The following ADAMTSL1 variants were observed in gnomAD, a reference collection of about 807,000 sequenced individuals.
ADAMTSL1 encodes the protein ADAMTS like 1.
ADAMTSL1 carries 126 observed loss-of-function variants against 201.8 expected under a neutral mutation model. The observed-to-expected ratio is 0.62, with a 90% CI of 0.54 to 0.72. ADAMTSL1 has a LOEUF of 0.72. Among genes scored for constraint, ADAMTSL1 ranks in the 30% least tolerant of loss-of-function variants. The pLI is 0.00. For missense variants in ADAMTSL1, 2,679 were observed against 2,277.8 expected (o/e 1.18, Z -3.59); for synonymous variants, 1,121 against 903.4 (o/e 1.24, Z -4.32).
chr9:18,856,096 G>A (rs546179889), intron 23 of ADAMTSL1, among the ~76,000 whole-genome samples: 9 of 152,158 alleles, frequency 5.9e-5, no homozygotes, highest in African/African-American at 9.6e-5. Context: ...ATGATAGTTC[G>A]TAAAACAAAT....
chr9:18,020,427 C>T (rs555233380), intron 1 of ADAMTSL1, among the ~76,000 whole-genome samples: 2 of 152,218 alleles, frequency 1.3e-5, no homozygotes, highest in Admixed American at 6.6e-5. Context: ...AAGCCAGCTA[C>T]GGTGGGGGAA....
At chr9:18,608,692 C>T (rs1409305444) in intron 4 of ADAMTSL1, among the ~76,000 whole-genome samples, 1 of 152,116 alleles carries the variant, frequency 6.6e-6, no homozygotes. Context: ...AACTCAGTCC[C>T]ATCACTATAT....
At chr9:18,368,554 T>A (rs988660859) in intron 2 of ADAMTSL1, among the ~76,000 whole-genome samples, 7 of 152,246 alleles carry the variant, frequency 4.6e-5, no homozygotes, top group Non-Finnish European at 7.3e-5. Context: ...ATTTGCCCAG[T>A]GTCTCACAAC....
chr9:18,406,779 A>T (rs2133292363), intron 2 of ADAMTSL1, among the ~76,000 whole-genome samples: 1 of 152,314 alleles, frequency 6.6e-6, no homozygotes, highest in African/African-American at 2.4e-5. Flanking sequence ...TTACTCCAAT[A>T]TGCACTGGAA....
chr9:18,601,843 G>A (rs1824680460), intron 4 of ADAMTSL1, among the ~76,000 whole-genome samples: 1 of 151,664 alleles, frequency 6.6e-6, no homozygotes, highest in South Asian at 2.1e-4. Flanking sequence ...TATATATAGT[G>A]TATATTGAAG....
intron 2 of ADAMTSL1, among the ~76,000 whole-genome samples, chr9:18,331,320 G>T (rs1359076040): frequency 6.6e-6 from 1 of 152,174 alleles, no homozygotes; most frequent in African/African-American, 2.4e-5. Context: ...GCCATAAAAA[G>T]TCTTTGTTTA....
At chr9:18,371,837 T>C (rs968681931) in intron 2 of ADAMTSL1, among the ~76,000 whole-genome samples, 2 of 152,168 alleles carry the variant, frequency 1.3e-5, no homozygotes, top group Non-Finnish European at 2.9e-5. Context: ...GAAGGGTAGA[T>C]ATGTTACATA....
At chr9:18,724,222 C>G (rs2133441474) in intron 15 of ADAMTSL1, among the ~76,000 whole-genome samples, 1 of 152,294 alleles carries the variant, frequency 6.6e-6, no homozygotes, top group Middle Eastern at 3.4e-3. Flanking sequence ...ATAGCTTTCC[C>G]AGGCAGTTGT....
intron 23 of ADAMTSL1, among the ~76,000 whole-genome samples, chr9:18,839,533 C>A (rs1174188057): frequency 6.6e-6 from 1 of 152,142 alleles, no homozygotes; most frequent in Non-Finnish European, 1.5e-5. Flanking sequence ...ATTTATAGTC[C>A]TTTGGGTATA....
At chr9:18,770,261 G>A (rs956618433) in intron 16 of ADAMTSL1, among the ~76,000 whole-genome samples, 6 of 152,156 alleles carry the variant, frequency 3.9e-5, no homozygotes, top group South Asian at 2.1e-4. Flanking sequence ...TCCCTGGATC[G>A]TAAATATGCT....
intron 2 of ADAMTSL1, among the ~76,000 whole-genome samples, chr9:18,413,583 G>C (rs1818546388): frequency 6.6e-6 from 1 of 152,168 alleles, no homozygotes; most frequent in Non-Finnish European, 1.5e-5. Context: ...ATTTTCCATA[G>C]CATTTTAGGT....
chr9:18,087,851 T>C (rs1587014217), intron 1 of ADAMTSL1, among the ~76,000 whole-genome samples: 1 of 152,148 alleles, frequency 6.6e-6, no homozygotes, highest in Non-Finnish European at 1.5e-5. Context: ...CAAACAGTAT[T>C]AGTCACTTAT....
At chr9:18,051,897 C>T (rs1166584415) in intron 1 of ADAMTSL1, among the ~76,000 whole-genome samples, 1 of 152,220 alleles carries the variant, frequency 6.6e-6, no homozygotes. Context: ...TTGGTTTGTG[C>T]TCTGTTTCTT....
chr9:18,132,919 G>T lies in ADAMTSL1; in HGVS notation c.88-30943G>T, dbSNP rs192485548. Among the ~76,000 whole-genome samples the T allele has an allele frequency of 1.3e-3, 200 of 152,224 alleles. 1 individual carries two copies. Among genetic ancestry groups the T allele is most frequent in the African/African-American group, 4.6e-3 (191 of 41,526 alleles). On this transcript the variant is annotated intron_variant, in intron 1 of 29. Transcript: ENST00000680146. ...TCATCTTGTTCAAGAATTTGCCAAG[G>T]ATTACGGAGATAGCGTTCAGACTGT...
At chr9:18,559,867 A>G (rs1262309809) in intron 3 of ADAMTSL1, among the ~76,000 whole-genome samples, 2 of 152,204 alleles carry the variant, frequency 1.3e-5, no homozygotes, top group Non-Finnish European at 2.9e-5. Flanking sequence ...TTGTATCCTG[A>G]GACTTTGCTA....
chr9:18,724,132 A>G (rs564213433), intron 15 of ADAMTSL1, among the ~76,000 whole-genome samples: 44 of 152,340 alleles, frequency 2.9e-4, no homozygotes, highest in African/African-American at 1.0e-3. Flanking sequence ...TAGCATTTTC[A>G]GTGGGACATA....
intron 13 of ADAMTSL1, among the ~76,000 whole-genome samples, chr9:18,696,455 A>C (rs112079580): frequency 6.6e-6 from 1 of 152,214 alleles, no homozygotes; most frequent in Non-Finnish European, 1.5e-5. Context: ...ACCTTGGGAG[A>C]AAGTTTGTCT....
chr9:18,353,876 G>A (rs1257487095), intron 2 of ADAMTSL1, among the ~76,000 whole-genome samples: 2 of 151,940 alleles, frequency 1.3e-5, no homozygotes, highest in Admixed American at 1.3e-4. Flanking sequence ...CATACATACT[G>A]CAGAAAACCT....
chr9:18,718,272 G>A, intron 14 of ADAMTSL1: 2 of 758,206 alleles, frequency 2.6e-6, no homozygotes, highest in Admixed American at 1.7e-5. Context: ...TGTGGACTGT[G>A]CTTTGATGGA....
Sources: gnomAD v4.1 joint callset for allele counts (sites outside exome capture counted in the v4.1 genomes callset) on GRCh38, gnomAD v4.1.1 for gene constraint, MANE v1.5 for transcripts, NCBI Gene and HGNC (gene_info 2026-07-23, HGNC 2026-07-21) for gene names.